CAMTA1: variants seen among roughly 807,000 people sequenced by gnomAD.
CAMTA1 encodes the protein calmodulin binding transcription activator 1.
In CAMTA1, 27 loss-of-function variants were observed where a neutral mutation model predicts 170.9. That is an observed-to-expected ratio of 0.16 (90% CI 0.12 to 0.22). The LOEUF (loss-of-function observed/expected upper bound fraction) is 0.22, where lower values mean the gene tolerates loss of function less well. Among genes scored for constraint, CAMTA1 ranks in the 10% least tolerant of loss-of-function variants. The pLI is 1.00. For missense variants in CAMTA1, 1,619 were observed against 2,217.2 expected (o/e 0.73, Z 5.42); for synonymous variants, 833 against 891.5 (o/e 0.93, Z 1.17).
chr1:7,349,524 G>C (rs1344595689), intron 5 of CAMTA1, among the ~76,000 whole-genome samples: 1 of 152,234 alleles, frequency 6.6e-6, no homozygotes, highest in African/African-American at 2.4e-5. Flanking sequence ...CGCACACGGG[G>C]CGACGTACGC....
chr1:6,872,783 AC>A (rs980679289), intron 3 of CAMTA1, among the ~76,000 whole-genome samples: 48 of 152,344 alleles, frequency 3.2e-4, no homozygotes, highest in African/African-American at 1.1e-3. Context: ...CTTAAAAAAA[AC>A]ATGTGAATTC....
chr1:7,650,998 T>C (rs563715175), intron 7 of CAMTA1, among the ~76,000 whole-genome samples: 2 of 152,278 alleles, frequency 1.3e-5, no homozygotes, highest in African/African-American at 4.8e-5. Flanking sequence ...CGAAGGGGCC[T>C]CATTCACTCC....
At chr1:7,284,483 T>C (rs908125760) in intron 5 of CAMTA1, among the ~76,000 whole-genome samples, 7 of 152,168 alleles carry the variant, frequency 4.6e-5, no homozygotes, top group African/African-American at 1.7e-4. Flanking sequence ...ATTACAGGCG[T>C]GAGCCACCAC....
intron 6 of CAMTA1, among the ~76,000 whole-genome samples, chr1:7,551,284 CAT>C (rs1433923131): frequency 7.6e-6 from 1 of 132,286 alleles, no homozygotes; most frequent in African/African-American, 3.2e-5. Flanking sequence ...GGCCAAAGGA[CAT>C]GTGTGCGCAG....
chr1:7,321,455 T>G (rs1678408145), intron 5 of CAMTA1, among the ~76,000 whole-genome samples: 2 of 152,188 alleles, frequency 1.3e-5, no homozygotes, highest in African/African-American at 4.8e-5. Flanking sequence ...TCAGTGATGC[T>G]TGGCCCTCTC....
chr1:7,250,885 A>G (rs1325896878), intron 5 of CAMTA1, among the ~76,000 whole-genome samples: 2 of 152,212 alleles, frequency 1.3e-5, no homozygotes, highest in Non-Finnish European at 2.9e-5. Flanking sequence ...AGATTCCCCC[A>G]AACACACTGC....
chr1:6,844,400 C>T (rs1385391352), intron 3 of CAMTA1, among the ~76,000 whole-genome samples: 1 of 150,538 alleles, frequency 6.6e-6, no homozygotes, highest in Non-Finnish European at 1.5e-5. Context: ...GGGCTGGGCA[C>T]AGTGGCTCGC....
rs1216247232 is a variant in CAMTA1 at position 7,751,360 on chromosome 1, C to T, written c.4851C>T (p.Arg1617=). ...AATGTGGCAAAAGACGGCAGGCTCG[C>T]CGGACGGCTGTGATTGTACAACAGA... ...YKKCGKRRQA[R]RTAVIVQQKL... The change falls in exon 20 of 23, where the codon CGC becomes CGT. Residue 1617 remains arginine (R), a synonymous_variant. Transcript: ENST00000303635. 6.2e-7 allele frequency: 1 copy of T among 1,608,030 alleles called. No homozygotes were observed. The highest frequency in any genetic ancestry group is 1.7e-5 in the Admixed American group (1 of 58,276).
At chr1:7,604,129 T>A (rs948446321) in intron 6 of CAMTA1, among the ~76,000 whole-genome samples, 2 of 152,232 alleles carry the variant, frequency 1.3e-5, no homozygotes, top group African/African-American at 4.8e-5. Flanking sequence ...TTTCCTTCAT[T>A]TCAAGTTTGA....
rs750086622 is a variant in CAMTA1 at position 7,576,515 on chromosome 1, C to T, written c.511-63885C>T. ...CCTCAGACCTTCCACCGTGTGAGGA[C>T]GCAAGCAAGAAGGCACTGTCTAGGA... On this transcript the variant is annotated intron_variant, in intron 6 of 22. Transcript: ENST00000303635. Among the ~76,000 whole-genome samples, 7 of 152,244 alleles carry T rather than the reference C, an allele frequency of 4.6e-5. No homozygotes were observed. In the East Asian group the frequency reaches 5.8e-4, roughly 13 times the overall value.
chr1:7,377,528 G>A (rs921607467), intron 5 of CAMTA1, among the ~76,000 whole-genome samples: 1 of 152,212 alleles, frequency 6.6e-6, no homozygotes, highest in East Asian at 1.9e-4. Context: ...TAAAAAGTCC[G>A]AGGTTTCGCT....
At chr1:7,089,590 A>T (rs1374452209) in intron 3 of CAMTA1, among the ~76,000 whole-genome samples, 1 of 80,552 alleles carries the variant, frequency 1.2e-5, no homozygotes, top group Non-Finnish European at 2.7e-5. Context: ...CATCCCATCC[A>T]TCCGGCCATC....
intron 4 of CAMTA1, among the ~76,000 whole-genome samples, chr1:7,102,453 T>C (rs1390798239): frequency 2.0e-5 from 3 of 152,142 alleles, no homozygotes; most frequent in African/African-American, 7.2e-5. Context: ...TTTTGGCCTT[T>C]ACCTGCGATG....
chr1:7,079,031 C>G (rs1293360515), intron 3 of CAMTA1, among the ~76,000 whole-genome samples: 1 of 152,190 alleles, frequency 6.6e-6, no homozygotes, highest in Non-Finnish European at 1.5e-5. Flanking sequence ...CCCCACAAAA[C>G]TGGACAAAGT....
intron 6 of CAMTA1, among the ~76,000 whole-genome samples, chr1:7,530,155 C>G (rs1362758148): frequency 6.6e-6 from 1 of 152,214 alleles, no homozygotes; most frequent in African/African-American, 2.4e-5. Context: ...CTGTGGCTGC[C>G]ACCCACACAG....
rs1448476603 is a variant in CAMTA1 at position 7,234,444 on chromosome 1, G to A, written c.303-15047G>A. On this transcript the variant is annotated intron_variant, in intron 4 of 22. Transcript: ENST00000303635. This position sits in a 1 kb window ranked among gnomAD's most constrained non-coding sequence, Gnocchi z 5.0. ...CAGCTCTGGGGCCTGCCCAGGGCGG[G>A]CCTCTGTGCGTCATTGTTCTTCCTC... Among the ~76,000 whole-genome samples, 2 of 152,202 alleles carry A rather than the reference G, an allele frequency of 1.3e-5. No homozygotes were observed. Among genetic ancestry groups the A allele is most frequent in the Non-Finnish European group, 2.9e-5 (2 of 68,034 alleles).
In CAMTA1 at chr1:7,305,228, A is replaced by G. The variant is rs374286785; in HGVS notation, c.438+55602A>G. Reference sequence around the variant, plus strand: ...TTCAATGAATTGTCTGTTTATCCACATTTGATTGCCACACTCTTAATTATT... The same window carrying G: ...TTCAATGAATTGTCTGTTTATCCACGTTTGATTGCCACACTCTTAATTATT... On this transcript the variant is annotated intron_variant, in intron 5 of 22. Transcript: ENST00000303635. 4.9e-4 allele frequency among the ~76,000 whole-genome samples: 74 copies of G among 152,096 alleles called. No individual in the cohort carries two copies. The East Asian group carries it at 0.011, about 23-fold the overall frequency.
chr1:7,602,142 TCCTCCCTCCCTC>T (rs1159134531), intron 6 of CAMTA1, among the ~76,000 whole-genome samples: 1 of 87,364 alleles, frequency 1.1e-5, no homozygotes, highest in Non-Finnish European at 2.2e-5. Flanking sequence ...CTTCCTTCCT[TCCTCCCTCCCTC>T]CCTCCCTCCT....
chr1:7,590,485 C>T (rs2095347404), intron 6 of CAMTA1, among the ~76,000 whole-genome samples: 1 of 152,184 alleles, frequency 6.6e-6, no homozygotes. Context: ...TGCAGTGGCC[C>T]CTTGGGCTGG....
Sources: gnomAD v4.1 joint callset for allele counts (sites outside exome capture counted in the v4.1 genomes callset) on GRCh38, gnomAD v4.1.1 for gene constraint, Gnocchi (gnomAD v3.1) non-coding constraint, MANE v1.5 for transcripts, NCBI Gene and HGNC (gene_info 2026-07-23, HGNC 2026-07-21) for gene names.